Variants in TAB2 observed in about 807,000 individuals in gnomAD.
TAB2 encodes TGF-beta-activated kinase 1 and MAP3K7-binding protein 2.
TAB2 carries 3 observed loss-of-function variants against 65.0 expected under a neutral mutation model. That is an observed-to-expected ratio of 0.05 (90% CI 0.02 to 0.12). TAB2 has a LOEUF of 0.12. Ranked by LOEUF, TAB2 falls within the 10% of genes least tolerant of loss-of-function variation. The pLI is 1.00. For missense variants in TAB2, 623 were observed against 840.3 expected (o/e 0.74, Z 3.20); for synonymous variants, 298 against 285.1 (o/e 1.05, Z -0.46).
chr6:149,361,605 C>T (rs886085501), intron 1 of TAB2, among the ~76,000 whole-genome samples: 5 of 152,144 alleles, frequency 3.3e-5, no homozygotes, highest in Admixed American at 1.3e-4. Context: ...GCACTTGGCT[C>T]CTTTTTAGTT....
intron 1 of TAB2, among the ~76,000 whole-genome samples, chr6:149,277,640 T>C (rs1583061170): frequency 1.3e-5 from 2 of 152,144 alleles, no homozygotes; most frequent in Non-Finnish European, 1.5e-5. Context: ...ATATTAGAAC[T>C]ACATAAATAG....
At chr6:149,320,555 A>G (rs1407363667) in intron 1 of TAB2, among the ~76,000 whole-genome samples, 1 of 152,234 alleles carries the variant, frequency 6.6e-6, no homozygotes, top group African/African-American at 2.4e-5. Context: ...AGTGAAATGT[A>G]CATATGTGTA....
At position 149,275,121 on chromosome 6, in the gene TAB2, T is replaced by TG. The variant is rs200997578; in HGVS notation, c.-121+56345_-121+56346insG. 5.8e-4 allele frequency among the ~76,000 whole-genome samples: 50 copies of TG among 85,990 alleles called. 3 individuals are homozygous for TG. Among genetic ancestry groups the TG allele is most frequent in the Admixed American group, 1.4e-3 (11 of 7,682 alleles). 56.4% of individuals were successfully genotyped at this position (85,990 alleles called of 152,430 possible). A position where few individuals can be genotyped will look rare whatever the true frequency, so the allele number is the denominator to read the frequency against. The stretch of plus-strand genomic sequence containing the variant: ...CATTTCCCTAATTTTTTTTCTCTTC[T>TG]TCTGTTTTTTTTTTTTTTTTTTGAG... On this transcript the variant is annotated intron_variant, in intron 1 of 1. Transcript: ENST00000606202.
chr6:149,361,028 C>T (rs1013845478), intron 1 of TAB2, among the ~76,000 whole-genome samples: 93 of 152,296 alleles, frequency 6.1e-4, no homozygotes, highest in African/African-American at 1.7e-3. Flanking sequence ...CAGGTGTTCT[C>T]GTGGGTTGGA....
upstream of TAB2, among the ~76,000 whole-genome samples, chr6:149,313,936 C>G (rs1314201476): frequency 2.0e-5 from 3 of 152,152 alleles, no homozygotes; most frequent in Non-Finnish European, 4.4e-5. Flanking sequence ...CTTGGAATGA[C>G]CACTACCATC....
chr6:149,248,812 T>C (rs906292324), intron 1 of TAB2, among the ~76,000 whole-genome samples: 1 of 152,156 alleles, frequency 6.6e-6, no homozygotes, highest in Non-Finnish European at 1.5e-5. Context: ...TTGTGAGCTG[T>C]GTCTGAGGCA....
chr6:149,301,774 C>A (rs961992884), intron 1 of TAB2, among the ~76,000 whole-genome samples: 2 of 152,116 alleles, frequency 1.3e-5, no homozygotes, highest in African/African-American at 4.8e-5. Context: ...ATTTACTGAA[C>A]ATGTTACAAC....
At chr6:149,385,218 AT>A (rs1205764444) in intron 3 of TAB2, among the ~76,000 whole-genome samples, 2 of 152,266 alleles carry the variant, frequency 1.3e-5, no homozygotes. Context: ...AAAAATGTTT[AT>A]TGTGGCACAA....
chr6:149,234,904 A>T (rs569195796), intron 1 of TAB2, among the ~76,000 whole-genome samples: 2 of 151,964 alleles, frequency 1.3e-5, no homozygotes, highest in South Asian at 4.1e-4. Flanking sequence ...AAAAAATGGC[A>T]TTGGCCTAAG....
chr6:149,264,843 C>T (rs965890581), intron 1 of TAB2, among the ~76,000 whole-genome samples: 3 of 152,304 alleles, frequency 2.0e-5, no homozygotes, highest in Admixed American at 1.3e-4. Flanking sequence ...GATGAAGTAC[C>T]GGCAGCACTG....
intron 1 of TAB2, among the ~76,000 whole-genome samples, chr6:149,305,258 T>C (rs1035354257): frequency 2.6e-5 from 4 of 152,188 alleles, no homozygotes; most frequent in Non-Finnish European, 1.5e-5. Flanking sequence ...CTGCCTGATA[T>C]ATTGATTATT....
rs143866399 is a variant in TAB2, at chr6:149,389,268, G to A, written c.1604-8336G>A. On this transcript the variant is annotated intron_variant, in intron 3 of 6. Transcript: ENST00000637181. ...TGCACCCAGCCCCAGAAATCTTACC[G>A]TTATTTTCTCTTTAGTATTACCTTG... 4.6e-3 allele frequency among the ~76,000 whole-genome samples: 694 copies of A among 151,858 alleles called. 6 individuals carry two copies. Among genetic ancestry groups the A allele is most frequent in the African/African-American group, 0.016 (667 of 41,428 alleles).
intron 1 of TAB2, among the ~76,000 whole-genome samples, chr6:149,369,297 A>G (rs999889031): frequency 6.6e-6 from 1 of 152,154 alleles, no homozygotes; most frequent in South Asian, 2.1e-4. Flanking sequence ...CCATATGCCC[A>G]GGCTGCTCAC....
chr6:149,228,725 C>A (rs1014856430), intron 1 of TAB2, among the ~76,000 whole-genome samples: 1 of 152,256 alleles, frequency 6.6e-6, no homozygotes, highest in Non-Finnish European at 1.5e-5. Flanking sequence ...TTTGTCAAAG[C>A]TCTCTCTAAA....
At chr6:149,219,547 T>C (rs1214300224) in intron 1 of TAB2, among the ~76,000 whole-genome samples, 1 of 152,212 alleles carries the variant, frequency 6.6e-6, no homozygotes, top group Non-Finnish European at 1.5e-5. Flanking sequence ...TTCTCTTTTT[T>C]AAAAATGAAG....
rs777958155 is a variant in TAB2, at chr6:149,378,504, A to G, written c.589A>G (p.Ile197Val). ...TGRNTPTSLH[I>V]HGVPPPVLNS... ...TCGTAATACTCCTACATCTTTGCAC[A>G]TACATGGTGTACCTCCACCTGTACT... The change falls in exon 3 of 7, where the codon ATA (isoleucine) becomes GTA (valine). Residue 197 changes from isoleucine to valine, a missense_variant. Coordinates refer to ENST00000637181, the MANE Select transcript of TAB2 (RefSeq NM_001292034.3). 4 of 1,614,080 alleles carry G rather than the reference A, an allele frequency of 2.5e-6. No homozygotes were observed. Among genetic ancestry groups the G allele is most frequent in the African/African-American group, 2.7e-5 (2 of 74,934 alleles).
intron 3 of TAB2, 112 bp from the exon 4 acceptor site, chr6:149,397,492 T>C (rs1444419134): frequency 7.8e-7 from 1 of 1,282,100 alleles, no homozygotes; most frequent in Non-Finnish European, 1.1e-6. Context: ...CAATATTTTG[T>C]TTTAATGTAG....
chr6:149,313,694 C>T (rs1409795381), upstream of TAB2, among the ~76,000 whole-genome samples: 1 of 152,206 alleles, frequency 6.6e-6, no homozygotes, highest in African/African-American at 2.4e-5. Flanking sequence ...TCATTTGGCT[C>T]AAACCCTCAG....
chr6:149,322,230 A>G (rs975178422), intron 1 of TAB2, among the ~76,000 whole-genome samples: 1 of 152,164 alleles, frequency 6.6e-6, no homozygotes, highest in Non-Finnish European at 1.5e-5. Flanking sequence ...GACTTAATAA[A>G]TGAGTACAGT....
Sources: gnomAD v4.1 joint callset for allele counts (sites outside exome capture counted in the v4.1 genomes callset) on GRCh38, gnomAD v4.1.1 for gene constraint, MANE v1.5 for transcripts, NCBI Gene and HGNC (gene_info 2026-07-23, HGNC 2026-07-21) for gene names.